Variants in LRPPRC observed in about 807,000 individuals in gnomAD.
LRPPRC encodes leucine-rich PPR motif-containing protein, mitochondrial.
LRPPRC carries 120 observed loss-of-function variants against 180.3 expected under a neutral mutation model. The observed-to-expected ratio is 0.67, with a 90% CI of 0.57 to 0.77. The LOEUF is 0.77. LRPPRC is among the 30% of genes least tolerant of loss of function. LRPPRC has a pLI of 0.00. For missense variants in LRPPRC, 2,012 were observed against 1,657.2 expected, an observed-to-expected ratio of 1.21 and a Z score of -3.72; for synonymous variants, 723 against 600.0, an observed-to-expected ratio of 1.21 and a Z score of -3.00.
intron 1 of LRPPRC, among the ~76,000 whole-genome samples, chr2:43,988,696 G>A (rs1014545202): frequency 4.0e-5 from 6 of 151,838 alleles, no homozygotes; most frequent in East Asian, 3.9e-4. Context: ...CCGCCACCAC[G>A]CCCAGCTAAT....
intron 29 of LRPPRC, among the ~76,000 whole-genome samples, chr2:43,913,969 C>T (rs116509503): frequency 0.01 from 1,585 of 152,252 alleles, 32 homozygotes; most frequent in African/African-American, 0.036. Context: ...CAATGCATCA[C>T]AAATTTAAGA....
intron 1 of LRPPRC, among the ~76,000 whole-genome samples, chr2:43,990,474 C>T (rs994405662): frequency 4.6e-5 from 7 of 152,284 alleles, no homozygotes; most frequent in African/African-American, 1.7e-4. Context: ...TAAAATCCTC[C>T]AACGGCTTCC....
At chr2:43,931,625 A>G (rs1231149659) in intron 25 of LRPPRC, among the ~76,000 whole-genome samples, 2 of 152,170 alleles carry the variant, frequency 1.3e-5, no homozygotes, top group African/African-American at 4.8e-5. Flanking sequence ...AATTAAGGTA[A>G]TGGTGGTGGA....
intron 23 of LRPPRC, among the ~76,000 whole-genome samples, chr2:43,941,684 C>T (rs974352527): frequency 6.6e-6 from 1 of 151,772 alleles, no homozygotes; most frequent in Non-Finnish European, 1.5e-5. Flanking sequence ...CCCCTGACTA[C>T]GAATGTTTCT....
chr2:43,943,973 C>A, intron 22 of LRPPRC, 79 bp from the exon 23 acceptor site: 1 of 998,948 alleles, frequency 1.0e-6, no homozygotes, highest in African/African-American at 1.6e-5. Context: ...GCATTTCAAG[C>A]CCAGCAGGAA....
At chr2:43,948,592 GA>G (rs1558992630) in intron 16 of LRPPRC, 74 bp from the exon 17 acceptor site, 1 of 827,326 alleles carries the variant, frequency 1.2e-6, no homozygotes, top group African/African-American at 1.7e-5. Flanking sequence ...TAATTTATAA[GA>G]AATCATTTTG....
chr2:43,909,865 G>C (rs1419733524), intron 30 of LRPPRC, among the ~76,000 whole-genome samples: 6 of 152,010 alleles, frequency 3.9e-5, no homozygotes, highest in Admixed American at 2.6e-4. Context: ...GTAAATTTAA[G>C]GCAAATAGAC....
chr2:43,891,031 A>G (rs1455063792), intron 36 of LRPPRC, among the ~76,000 whole-genome samples: 2 of 152,246 alleles, frequency 1.3e-5, no homozygotes, highest in African/African-American at 4.8e-5. Context: ...TGAGACGTTC[A>G]GCAATCAAAG....
intron 25 of LRPPRC, among the ~76,000 whole-genome samples, chr2:43,926,424 A>G (rs1224639464): frequency 6.6e-6 from 1 of 152,114 alleles, no homozygotes; most frequent in East Asian, 1.9e-4. Flanking sequence ...CAGAGTCTCA[A>G]TGGCATGATC....
At chr2:43,973,504 T>C in intron 11 of LRPPRC, 103 bp downstream of exon 11, 1 of 784,374 alleles carries the variant, frequency 1.3e-6, no homozygotes, top group East Asian at 2.5e-5. Context: ...CTCATAATAC[T>C]CAGGAATAAG....
chr2:43,981,776 T>C (rs1024418389), intron 2 of LRPPRC, among the ~76,000 whole-genome samples: 4 of 152,086 alleles, frequency 2.6e-5, no homozygotes, highest in African/African-American at 9.7e-5. Context: ...CAAAGAAAAT[T>C]AAAGTATCAA....
At chr2:43,954,996 A>G (rs1015648078) in intron 14 of LRPPRC, among the ~76,000 whole-genome samples, 3 of 152,214 alleles carry the variant, frequency 2.0e-5, no homozygotes, top group African/African-American at 7.2e-5. Context: ...AGAGAAAAGC[A>G]TGGAAGGATA....
intron 25 of LRPPRC, among the ~76,000 whole-genome samples, chr2:43,928,782 C>T (rs950645785): frequency 6.6e-6 from 1 of 151,806 alleles, no homozygotes; most frequent in Non-Finnish European, 1.5e-5. Context: ...AAGAAAACAA[C>T]ATCCCCACCC....
chr2:43,957,421 T>A lies in LRPPRC; in HGVS notation c.1613A>T (p.Gln538Leu). ...TAGCAGTAGGCTACTTCTTATAGAC[T>A]GCAGCGAGATGGGCAATGTATTTGA... ...LKSNTLPISL[Q>L]SIRSSLLLGF... Residue 538 changes from glutamine to leucine, a missense_variant, in exon 14 of 38, where the codon CAG (glutamine) becomes CTG (leucine). By Grantham distance (113) the Gln-to-Leu change is moderately radical. Coordinates refer to ENST00000260665, the MANE Select transcript of LRPPRC (RefSeq NM_133259.4). 4 of 1,613,500 alleles carry A rather than the reference T, an allele frequency of 2.5e-6. No homozygotes were observed. The highest frequency in any genetic ancestry group is 3.4e-6 in the Non-Finnish European group (4 of 1,179,462).
intron 4 of LRPPRC, 26 bp downstream of exon 4, chr2:43,977,129 A>G: frequency 6.2e-7 from 1 of 1,611,244 alleles, no homozygotes; most frequent in Non-Finnish European, 8.5e-7. Context: ...GGATGTGAAA[A>G]TATATTCACA....
At chr2:43,960,070 T>C (rs932186754) in intron 13 of LRPPRC, among the ~76,000 whole-genome samples, 1 of 152,180 alleles carries the variant, frequency 6.6e-6, no homozygotes, top group Admixed American at 6.5e-5. Context: ...AGCACACTAG[T>C]GTTTAAAAAT....
At chr2:43,946,907 A>C (rs552634741) in intron 20 of LRPPRC, among the ~76,000 whole-genome samples, 1 of 152,068 alleles carries the variant, frequency 6.6e-6, no homozygotes, top group African/African-American at 2.4e-5. Flanking sequence ...CTGCATTAAC[A>C]ACCTAGTAAT....
At position 43,984,934 on chromosome 2, in the gene LRPPRC, C is replaced by T. The variant is rs772405457; in HGVS notation, c.150-2500G>A. On this transcript the variant is annotated intron_variant, in intron 1 of 37. Coordinates refer to ENST00000260665, the MANE Select transcript of LRPPRC (RefSeq NM_133259.4). ...GCTCCTACCACTAATACTCAAATTA[C>T]CCATAAATGTTTTCTTGTAAAATCT... Among the ~76,000 whole-genome samples, 4 of 152,008 alleles carry T rather than the reference C, an allele frequency of 2.6e-5. No homozygotes were observed. In the South Asian group the frequency reaches 8.3e-4, roughly 32 times the overall value.
chr2:43,979,745 A>AT, intron 3 of LRPPRC, 81 bp downstream of exon 3: 1 of 1,248,692 alleles, frequency 8.0e-7, no homozygotes, highest in East Asian at 2.3e-5. Flanking sequence ...GAATTACAGC[A>AT]TTTATGTAAA....
Sources: allele counts gnomAD v4.1 joint callset (sites outside exome capture counted in the v4.1 genomes callset), GRCh38; gene constraint gnomAD v4.1.1; transcripts MANE v1.5; gene names NCBI Gene and HGNC (gene_info 2026-07-23, HGNC 2026-07-21).